PCBP3: variants seen among roughly 807,000 people sequenced by gnomAD.
The protein encoded by PCBP3 is poly(rC) binding protein 3, also known as poly(rC)-binding protein 3.
Under a neutral mutation model 52.7 loss-of-function variants are expected in PCBP3, and 25 were observed. The ratio of observed to expected loss-of-function variants is 0.47; its 90% confidence interval spans 0.35 to 0.66. PCBP3 has a LOEUF of 0.66. Ranked by LOEUF, PCBP3 falls within the 30% of genes least tolerant of loss-of-function variation. The probability of loss-of-function intolerance (pLI) is 0.01; values close to 1 mark genes in which losing one functional copy is unlikely to be tolerated. For missense variants in PCBP3, 391 were observed against 490.3 expected (o/e 0.80, Z 1.91); for synonymous variants, 162 against 183.0 (o/e 0.89, Z 0.93).
intron 4 of PCBP3, among the ~76,000 whole-genome samples, chr21:45,814,474 A>G (rs1603441636): frequency 2.0e-5 from 1 of 49,038 alleles, no homozygotes; most frequent in Non-Finnish European, 3.8e-5. Flanking sequence ...ATGAGTGGTG[A>G]GTGAGTGATG....
At chr21:45,707,160 C>T (rs1026888703) in intron 2 of PCBP3, among the ~76,000 whole-genome samples, 1 of 152,004 alleles carries the variant, frequency 6.6e-6, no homozygotes, top group Admixed American at 6.5e-5. Flanking sequence ...ACTTTTTTGT[C>T]TCTGGGGATC....
intron 5 of PCBP3, among the ~76,000 whole-genome samples, chr21:45,877,343 G>T (rs1453107598): frequency 6.6e-6 from 1 of 152,160 alleles, no homozygotes; most frequent in Non-Finnish European, 1.5e-5. Context: ...TGGGGCTGTG[G>T]CCCTGTGTGG....
intron 13 of PCBP3, chr21:45,918,274 T>C (rs555632259): frequency 1.3e-5 from 2 of 155,960 alleles, no homozygotes; most frequent in African/African-American, 4.8e-5. Context: ...TTTCTGCTCC[T>C]GCTGGGTCTA....
At chr21:45,909,268 G>A (rs1374209961) in intron 9 of PCBP3, 87 bp from the exon 10 acceptor site, 4 of 1,392,072 alleles carry the variant, frequency 2.9e-6, no homozygotes, top group African/African-American at 2.9e-5. Flanking sequence ...GCTTCTGAGT[G>A]TGGGAAGTCA....
At position 45,817,078 on chromosome 21, in the gene PCBP3, C is replaced by CTA. The variant is rs2092988657; in HGVS notation, c.-125-32877_-125-32876dup. ...TGAAATGCCGTTGTGTGGCACGTGA[C>CTA]TATATATGCTACGCTGTTAAGAATT... On this transcript the variant is annotated intron_variant, in intron 4 of 17. Coordinates refer to ENST00000681687, the MANE Select transcript of PCBP3 (RefSeq NM_001384156.1). The surrounding 1 kb of genome is among the most constrained non-coding windows in gnomAD (Gnocchi z 4.3). Among the ~76,000 whole-genome samples the CTA allele has an allele frequency of 1.3e-5, 2 of 152,134 alleles. No homozygotes were observed. Among genetic ancestry groups the CTA allele is most frequent in the Admixed American group, 6.5e-5 (1 of 15,284 alleles).
intron 4 of PCBP3, among the ~76,000 whole-genome samples, chr21:45,776,786 T>A (rs1182068983): frequency 3.9e-5 from 6 of 152,330 alleles, no homozygotes; most frequent in Non-Finnish European, 4.4e-5. Flanking sequence ...GTAAGCAGCA[T>A]TTAGTTGGAT....
intron 4 of PCBP3, among the ~76,000 whole-genome samples, chr21:45,783,937 A>G (rs2090844265): frequency 6.6e-6 from 1 of 152,210 alleles, no homozygotes; most frequent in Non-Finnish European, 1.5e-5. Context: ...GTGAGCATAG[A>G]AAAGAACTCA....
chr21:45,732,014 A>G (rs1235674925), intron 2 of PCBP3, among the ~76,000 whole-genome samples: 1 of 151,860 alleles, frequency 6.6e-6, no homozygotes, highest in Admixed American at 6.6e-5. Context: ...TTCTGGTATT[A>G]TTTTCCTTTT....
intron 2 of PCBP3, among the ~76,000 whole-genome samples, chr21:45,712,581 C>G: frequency 6.6e-6 from 1 of 152,102 alleles, no homozygotes; most frequent in East Asian, 1.9e-4. Context: ...GACTTGTCTC[C>G]GAATCTTTAC....
rs2093610668 is a variant in PCBP3, at chr21:45,837,269, T to G, written c.-125-12692T>G. On this transcript the variant is annotated intron_variant, in intron 4 of 17. Transcript: ENST00000681687. The surrounding 1 kb of genome is among the most constrained non-coding windows in gnomAD (Gnocchi z 4.1). ...GTATCTCCCGTTCCACATGCTCTTGTGCTGTGACTTTGATGCACCTCCCGC... is the reference window on the plus strand; with the variant it reads ...GTATCTCCCGTTCCACATGCTCTTGGGCTGTGACTTTGATGCACCTCCCGC... 6.6e-6 allele frequency among the ~76,000 whole-genome samples: 1 copy of G among 152,234 alleles called. No homozygotes were observed. The highest frequency in any genetic ancestry group is 1.5e-5 in the Non-Finnish European group (1 of 68,046).
intron 2 of PCBP3, among the ~76,000 whole-genome samples, chr21:45,733,411 C>T (rs1389138818): frequency 6.6e-6 from 1 of 152,062 alleles, no homozygotes; most frequent in Admixed American, 6.6e-5. Flanking sequence ...CTCAGCCTCC[C>T]AAGTAGCTGG....
intron 4 of PCBP3, among the ~76,000 whole-genome samples, chr21:45,841,271 G>C (rs1196624388): frequency 1.0e-5 from 1 of 99,122 alleles, no homozygotes; most frequent in African/African-American, 2.8e-5. Context: ...TCTTTTGCCT[G>C]TCTTTTTGTC....
intron 9 of PCBP3, among the ~76,000 whole-genome samples, chr21:45,908,941 C>T (rs2096272446): frequency 6.6e-6 from 1 of 152,172 alleles, no homozygotes; most frequent in Admixed American, 6.5e-5. Flanking sequence ...CCAGTCGTGG[C>T]CTGTCCCCGA....
intron 8 of PCBP3, 65 bp from the exon 9 acceptor site, chr21:45,900,931 CG>C: frequency 9.1e-7 from 1 of 1,103,812 alleles, no homozygotes; most frequent in South Asian, 1.2e-5. Context: ...AACGGACTTG[CG>C]GCCCCCGACC....
intron 5 of PCBP3, among the ~76,000 whole-genome samples, chr21:45,860,356 C>T (rs542176475): frequency 1.3e-5 from 2 of 152,318 alleles, no homozygotes; most frequent in East Asian, 3.9e-4. Context: ...TTTATTACGT[C>T]GAAAGTTGCA....
chr21:45,784,418 A>G lies in PCBP3; in HGVS notation c.-126+28966A>G, dbSNP rs1264712296. ...TACCGCTACCTCTACCGCTACCGCT[A>G]CCCCTACCTCCTACCTCCTACCTCC... On this transcript the variant is annotated intron_variant, in intron 4 of 17. Transcript: ENST00000681687. Among the ~76,000 whole-genome samples, 291 of 130,878 alleles carry G rather than the reference A, an allele frequency of 2.2e-3. 1 individual carries two copies. The highest frequency in any genetic ancestry group is 8.6e-3 in the African/African-American group (278 of 32,330). 85.9% of individuals were successfully genotyped at this position (130,878 alleles called of 152,430 possible).
At chr21:45,671,045 A>G (rs1048303304) in intron 2 of PCBP3, among the ~76,000 whole-genome samples, 1 of 152,216 alleles carries the variant, frequency 6.6e-6, no homozygotes, top group Non-Finnish European at 1.5e-5. Flanking sequence ...GACGAGGACC[A>G]TGATCTGTAT....
At chr21:45,840,395 C>G (rs60315100) in intron 4 of PCBP3, among the ~76,000 whole-genome samples, 1 of 147,458 alleles carries the variant, frequency 6.8e-6, no homozygotes, top group Non-Finnish European at 1.5e-5. Context: ...AGGCGGAGCT[C>G]GCAGTGAGCT....
Position 45,904,064 on chromosome 21 carries a change from T to C in PCBP3, c.339+2951T>C, listed in dbSNP as rs1273836493. The stretch of plus-strand genomic sequence containing the variant: ...GTCCCTTCCAGTAGACAAAATCTCC[T>C]GGTTGAAGGTCCTAAGGAGGATGTT... On this transcript the variant is annotated intron_variant, in intron 9 of 17. Transcript: ENST00000681687. This position sits in a 1 kb window ranked among gnomAD's most constrained non-coding sequence, Gnocchi z 4.8. Among the ~76,000 whole-genome samples the C allele has an allele frequency of 1.3e-5, 2 of 152,160 alleles. No homozygotes were observed. Among genetic ancestry groups the C allele is most frequent in the Non-Finnish European group, 2.9e-5 (2 of 68,018 alleles).
Sources: allele counts gnomAD v4.1 joint callset (sites outside exome capture counted in the v4.1 genomes callset), GRCh38; gene constraint gnomAD v4.1.1; non-coding constraint Gnocchi (gnomAD v3.1); transcripts MANE v1.5; gene names NCBI Gene and HGNC (gene_info 2026-07-23, HGNC 2026-07-21).